The following CNST variants were observed in gnomAD, a reference collection of about 807,000 sequenced individuals.
CNST encodes consortin.
CNST carries 39 observed loss-of-function variants against 72.4 expected under a neutral mutation model. The ratio of observed to expected loss-of-function variants is 0.54; its 90% CI spans 0.42 to 0.70. CNST has a LOEUF of 0.70. Ranked by LOEUF, CNST falls within the 30% of genes least tolerant of loss-of-function variation. The pLI is 0.00. For synonymous variants in CNST, 332 were observed against 320.1 expected, an observed-to-expected ratio of 1.04 and a Z score of -0.40; for missense variants, 871 against 868.5, an observed-to-expected ratio of 1.00 and a Z score of -0.04.
At chr1:246,656,674 G>GT in intron 9 of CNST, among the ~76,000 whole-genome samples, 1 of 152,318 alleles carries the variant, frequency 6.6e-6, no homozygotes, top group East Asian at 1.9e-4. Context: ...GCCGGGCACA[G>GT]TGGCGCAAAT....
At chr1:246,602,640 C>T (rs1453661049) in intron 2 of CNST, among the ~76,000 whole-genome samples, 3 of 152,168 alleles carry the variant, frequency 2.0e-5, no homozygotes, top group African/African-American at 4.8e-5. Flanking sequence ...AAGCAGGTTA[C>T]TGGGTCCAAC....
At chr1:246,663,061 G>A (rs897026210) in intron 10 of CNST, among the ~76,000 whole-genome samples, 14 of 152,156 alleles carry the variant, frequency 9.2e-5, no homozygotes, top group Non-Finnish European at 1.6e-4. Flanking sequence ...AAGCACGTAA[G>A]GCATGGTGCA....
At chr1:246,587,872 C>T (rs1382855310) in intron 1 of CNST, among the ~76,000 whole-genome samples, 1 of 152,016 alleles carries the variant, frequency 6.6e-6, no homozygotes, top group Non-Finnish European at 1.5e-5. Context: ...CTTTATCTGC[C>T]CCAAGGTTTT....
chr1:246,664,509 C>G (rs1186236619), intron 10 of CNST, among the ~76,000 whole-genome samples: 1 of 151,986 alleles, frequency 6.6e-6, no homozygotes, highest in Non-Finnish European at 1.5e-5. Context: ...TCACTGCAAC[C>G]TCCGCCTCCC....
At chr1:246,617,288 TA>T in intron 2 of CNST, among the ~76,000 whole-genome samples, 1 of 152,220 alleles carries the variant, frequency 6.6e-6, no homozygotes, top group African/African-American at 2.4e-5. Flanking sequence ...TATTGGTGAA[TA>T]ATAACCTAAG....
chr1:246,596,305 C>G (rs1003395677), intron 2 of CNST, among the ~76,000 whole-genome samples: 3 of 151,644 alleles, frequency 2.0e-5, no homozygotes, highest in African/African-American at 7.3e-5. Context: ...GTCCCAGCTA[C>G]TTGGGAGGCT....
intron 2 of CNST, chr1:246,608,138 T>TA (rs1178706419): frequency 6.6e-6 from 1 of 151,810 alleles, no homozygotes; most frequent in Non-Finnish European, 1.5e-5. Flanking sequence ...CTGGAAAACA[T>TA]AGAGAACCTG....
At position 246,591,586 on chromosome 1, in the gene CNST, A is replaced by G. The variant is rs781264801; in HGVS notation, c.24A>G (p.Thr8=). The G allele has an allele frequency of 4.8e-5, 78 of 1,613,936 alleles. No individual in the cohort carries two copies. The highest frequency in any genetic ancestry group is 1.6e-4 in the East Asian group (7 of 44,896). ...TAATGGATGACAGCGATACTCCTAC[A>G]TATTATCTGCAAATAGAACCACAAG... The part of the protein sequence containing the change: MDDSDTP[T]YYLQIEPQDG... The change falls in exon 2 of 11, where the codon ACA becomes ACG. Residue 8 remains threonine (T), a synonymous_variant. Transcript: ENST00000366513.
intron 8 of CNST, among the ~76,000 whole-genome samples, chr1:246,642,530 T>C (rs1157193610): frequency 6.6e-6 from 1 of 152,058 alleles, no homozygotes; most frequent in African/African-American, 2.4e-5. Flanking sequence ...TGATATACTT[T>C]AGTTTGTATG....
chr1:246,570,019 T>G (rs1246329699), intron 1 of CNST: 1 of 490,312 alleles, frequency 2.0e-6, no homozygotes, highest in Non-Finnish European at 2.6e-6. Flanking sequence ...TAAATGTGCT[T>G]CTTTATATCA....
intron 3 of CNST, among the ~76,000 whole-genome samples, chr1:246,631,192 G>A (rs577777150): frequency 6.6e-6 from 1 of 152,324 alleles, no homozygotes; most frequent in African/African-American, 2.4e-5. Flanking sequence ...ATGTAAAGAT[G>A]TCTTAGAATG....
At chr1:246,586,094 G>T (rs930621916) in intron 1 of CNST, among the ~76,000 whole-genome samples, 3 of 130,706 alleles carry the variant, frequency 2.3e-5, no homozygotes, top group Non-Finnish European at 4.7e-5. Context: ...GAGAGGGGGA[G>T]ATATATATAT....
intron 2 of CNST, among the ~76,000 whole-genome samples, chr1:246,605,663 G>A (rs1253873021): frequency 1.3e-5 from 2 of 150,910 alleles, no homozygotes; most frequent in Admixed American, 1.3e-4. Context: ...TCTTCCGGCC[G>A]GGGTGCGTGT....
intron 2 of CNST, among the ~76,000 whole-genome samples, chr1:246,615,606 C>T (rs976773207): frequency 6.2e-5 from 9 of 146,076 alleles, no homozygotes; most frequent in African/African-American, 1.5e-4. Flanking sequence ...GGGCCGGGCA[C>T]GGTGGCTCAC....
At chr1:246,622,309 C>T (rs3129547) in intron 3 of CNST, among the ~76,000 whole-genome samples, 66,700 of 152,062 alleles carry the variant, frequency 0.44, 16,323 homozygotes, top group Non-Finnish European at 0.54. Flanking sequence ...ACAGGAGCAA[C>T]GGTTCTATCG....
chr1:246,615,166 A>T (rs1462507155), intron 2 of CNST, among the ~76,000 whole-genome samples: 1 of 152,104 alleles, frequency 6.6e-6, no homozygotes, highest in African/African-American at 2.4e-5. Context: ...GCCCATGGTT[A>T]TTACAAAAAA....
chr1:246,602,280 G>A (rs1259180248), intron 2 of CNST, among the ~76,000 whole-genome samples: 1 of 152,240 alleles, frequency 6.6e-6, no homozygotes, highest in East Asian at 1.9e-4. Context: ...GCTGAAAACA[G>A]CAAACATGTA....
intron 2 of CNST, among the ~76,000 whole-genome samples, chr1:246,604,946 C>T (rs1181644239): frequency 6.6e-5 from 10 of 152,106 alleles, no homozygotes; most frequent in African/African-American, 1.7e-4. Context: ...GGATTACAGG[C>T]GTGAGCCACC....
intron 10 of CNST, among the ~76,000 whole-genome samples, chr1:246,665,177 C>T (rs1478459391): frequency 6.6e-6 from 1 of 152,086 alleles, no homozygotes; most frequent in African/African-American, 2.4e-5. Flanking sequence ...CAAGACCACC[C>T]TCTGCAGCAT....
Sources: allele counts gnomAD v4.1 joint callset (sites outside exome capture counted in the v4.1 genomes callset), GRCh38; gene constraint gnomAD v4.1.1; transcripts MANE v1.5; gene names NCBI Gene and HGNC (gene_info 2026-07-23, HGNC 2026-07-21).